DPYD: variants seen among roughly 807,000 people sequenced by gnomAD.
DPYD encodes the protein dihydropyrimidine dehydrogenase [NADP(+)].
DPYD carries 109 observed loss-of-function variants against 116.2 expected under a neutral mutation model. The ratio of observed to expected loss-of-function variants is 0.94; its 90% CI spans 0.80 to 1.10. The LOEUF (loss-of-function observed/expected upper bound fraction) is 1.10. DPYD is among the 50% of genes least tolerant of loss of function. The pLI is 0.00. For synonymous variants in DPYD, 440 were observed against 432.0 expected, an observed-to-expected ratio of 1.02 and a Z score of -0.23; for missense variants, 1,302 against 1,254.5, an observed-to-expected ratio of 1.04 and a Z score of -0.57.
chr1:97,470,411 A>C (rs757810909), intron 13 of DPYD, among the ~76,000 whole-genome samples: 1 of 152,228 alleles, frequency 6.6e-6, no homozygotes, highest in Non-Finnish European at 1.5e-5. Context: ...AGGATGTTTA[A>C]AGTGCTTAAA....
chr1:97,628,156 T>C (rs1657044186), intron 8 of DPYD, among the ~76,000 whole-genome samples: 1 of 152,098 alleles, frequency 6.6e-6, no homozygotes, highest in Admixed American at 6.6e-5. Flanking sequence ...AATCCTCCTC[T>C]GATAAGTACT....
chr1:97,564,949 T>C (rs1300913310), intron 11 of DPYD, among the ~76,000 whole-genome samples: 4 of 152,078 alleles, frequency 2.6e-5, no homozygotes, highest in Admixed American at 6.6e-5. Context: ...AGTCAGGGTG[T>C]CGCATTGTAC....
rs958314273 is a variant in DPYD, at chr1:97,913,845, T to TG, written c.39+7038dup. On this transcript the variant is annotated intron_variant, in intron 1 of 22. Coordinates refer to ENST00000370192, the MANE Select transcript of DPYD (RefSeq NM_000110.4). ...GCAGAGAGAGGTGAGGAATAAAACA[T>TG]GGGGGGGAGGAGGAAGTGCAGTCAG... 4.9e-4 allele frequency among the ~76,000 whole-genome samples: 74 copies of TG among 151,268 alleles called. 1 individual carries two copies. The highest frequency in any genetic ancestry group is 1.4e-3 in the African/African-American group (57 of 41,236).
intron 1 of DPYD, among the ~76,000 whole-genome samples, chr1:97,904,844 A>G (rs1182188782): frequency 6.6e-6 from 1 of 151,962 alleles, no homozygotes; most frequent in East Asian, 1.9e-4. Context: ...GAACCTACTG[A>G]AAGTTATTAC....
chr1:97,479,953 T>A (rs1018387498), intron 13 of DPYD, among the ~76,000 whole-genome samples: 2 of 152,176 alleles, frequency 1.3e-5, no homozygotes, highest in African/African-American at 4.8e-5. Context: ...TTGACTTACA[T>A]CTGGCTAGTG....
At chr1:97,805,492 G>T (rs17117228) in intron 3 of DPYD, among the ~76,000 whole-genome samples, 4,680 of 151,898 alleles carry the variant, frequency 0.031, 235 homozygotes, top group African/African-American at 0.1. Context: ...ATGATATGTA[G>T]TTGCTTATAT....
At chr1:97,299,808 C>T (rs1457122485) in intron 18 of DPYD, among the ~76,000 whole-genome samples, 1 of 152,036 alleles carries the variant, frequency 6.6e-6, no homozygotes, top group African/African-American at 2.4e-5. Context: ...AGCAGGCGAG[C>T]TCACTGTCAA....
At chr1:97,808,166 G>T (rs1668168375) in intron 3 of DPYD, among the ~76,000 whole-genome samples, 1 of 152,038 alleles carries the variant, frequency 6.6e-6, no homozygotes, top group African/African-American at 2.4e-5. Flanking sequence ...CTGATATTTT[G>T]ATTGTAATTA....
chr1:97,230,485 G>A (rs972866381), intron 19 of DPYD, among the ~76,000 whole-genome samples: 8 of 152,128 alleles, frequency 5.3e-5, no homozygotes, highest in African/African-American at 1.9e-4. Context: ...GCCTATGAGA[G>A]GGTGAAGGAT....
At chr1:97,889,517 A>T (rs926028440) in intron 1 of DPYD, among the ~76,000 whole-genome samples, 1 of 152,084 alleles carries the variant, frequency 6.6e-6, no homozygotes, top group African/African-American at 2.4e-5. Context: ...AAAATTTACT[A>T]GAAATAAAGA....
chr1:97,692,168 C>T (rs192614401), intron 6 of DPYD, among the ~76,000 whole-genome samples: 34 of 151,810 alleles, frequency 2.2e-4, no homozygotes, highest in Middle Eastern at 3.5e-3. Context: ...ATTAATAAAG[C>T]TAGATGGAGA....
chr1:97,652,194 CAA>C (rs1435706198), intron 8 of DPYD, among the ~76,000 whole-genome samples: 1 of 152,024 alleles, frequency 6.6e-6, no homozygotes. Context: ...AAAAACAGCT[CAA>C]GAGTACAGAT....
intron 20 of DPYD, among the ~76,000 whole-genome samples, chr1:97,179,390 A>G (rs1195793264): frequency 6.6e-6 from 1 of 152,128 alleles, no homozygotes; most frequent in East Asian, 1.9e-4. Context: ...TGGGTGGGTG[A>G]CATTCTTCAG....
intron 16 of DPYD, among the ~76,000 whole-genome samples, chr1:97,345,253 T>C (rs1669784011): frequency 6.6e-6 from 1 of 151,952 alleles, no homozygotes; most frequent in Non-Finnish European, 1.5e-5. Context: ...AAAATACATA[T>C]GGACAAAAAG....
chr1:97,726,494 A>G (rs1370138185), intron 4 of DPYD, among the ~76,000 whole-genome samples: 2 of 151,730 alleles, frequency 1.3e-5, no homozygotes, highest in East Asian at 1.9e-4. Context: ...GCAGGTCATC[A>G]TTGTTAGAAA....
intron 13 of DPYD, among the ~76,000 whole-genome samples, chr1:97,489,823 A>G (rs1678868176): frequency 6.6e-6 from 1 of 152,244 alleles, no homozygotes; most frequent in Non-Finnish European, 1.5e-5. Context: ...ACAAAGTCCC[A>G]TAGCTAATAA....
intron 18 of DPYD, among the ~76,000 whole-genome samples, chr1:97,242,979 G>A (rs1662477561): frequency 6.6e-6 from 1 of 151,732 alleles, no homozygotes; most frequent in Non-Finnish European, 1.5e-5. Context: ...AAATTGGAAC[G>A]AACAATTCAG....
At chr1:97,221,618 AC>A (rs1308578778) in intron 19 of DPYD, among the ~76,000 whole-genome samples, 1 of 152,228 alleles carries the variant, frequency 6.6e-6, no homozygotes, top group East Asian at 1.9e-4. Flanking sequence ...CTAACTTAGT[AC>A]CAAAGTCTAT....
chr1:97,212,289 T>C (rs1660084837), intron 19 of DPYD, among the ~76,000 whole-genome samples: 1 of 152,162 alleles, frequency 6.6e-6, no homozygotes, highest in Admixed American at 6.6e-5. Context: ...CATCCAATCA[T>C]TTCATAAAAA....
Sources: gnomAD v4.1 joint callset for allele counts (sites outside exome capture counted in the v4.1 genomes callset) on GRCh38, gnomAD v4.1.1 for gene constraint, MANE v1.5 for transcripts, NCBI Gene and HGNC (gene_info 2026-07-23, HGNC 2026-07-21) for gene names.